TRPM3: variants seen among roughly 807,000 people sequenced by gnomAD.
TRPM3 encodes long transient receptor potential channel 3.
TRPM3 carries 77 observed loss-of-function variants against 181.2 expected under a neutral mutation model. That is an observed-to-expected ratio of 0.42 (90% CI 0.35 to 0.51). The LOEUF (loss-of-function observed/expected upper bound fraction) is 0.51, where lower values mean the gene tolerates loss of function less well. TRPM3 is among the 20% of genes least tolerant of loss of function. The pLI is 0.01. For missense variants in TRPM3, 1,759 were observed against 2,196.7 expected, an observed-to-expected ratio of 0.80 and a Z score of 3.98; for synonymous variants, 745 against 796.4, an observed-to-expected ratio of 0.94 and a Z score of 1.09.
intron 9 of TRPM3, among the ~76,000 whole-genome samples, chr9:70,659,425 G>A (rs116916317): frequency 0.015 from 2,333 of 152,170 alleles, 29 homozygotes; most frequent in Middle Eastern, 0.031. Context: ...TCCATGGCTG[G>A]GTTGGGTTTT....
At chr9:71,444,066 C>G (rs2094170996) in intron 1 of TRPM3, among the ~76,000 whole-genome samples, 1 of 151,014 alleles carries the variant, frequency 6.6e-6, no homozygotes, top group Admixed American at 6.6e-5. Flanking sequence ...ATAATCCCAG[C>G]TACTCAGGAG....
intron 1 of TRPM3, among the ~76,000 whole-genome samples, chr9:71,065,434 G>T (rs2133421180): frequency 6.6e-6 from 1 of 152,212 alleles, no homozygotes; most frequent in East Asian, 1.9e-4. Context: ...TTAGCCCTCT[G>T]AACACGGGAG....
chr9:71,255,830 A>T (rs1056190225), intron 1 of TRPM3, among the ~76,000 whole-genome samples: 1 of 152,228 alleles, frequency 6.6e-6, no homozygotes, highest in African/African-American at 2.4e-5. Context: ...ATTATTGAGT[A>T]AATTCATAAT....
rs6560142 is a variant in TRPM3 at position 70,536,068 on chromosome 9, C to T, written c.5045G>A (p.Arg1682Gln). The T allele has an allele frequency of 0.57, 913,536 of 1,613,982 alleles. 261,875 individuals are homozygous for T. The highest frequency in any genetic ancestry group is 0.8 in the East Asian group (35,932 of 44,878). ...LDRQRNTASLRNPFQRSKSSK... is the reference protein window; with the variant it reads ...LDRQRNTASLQNPFQRSKSSK... The stretch of plus-strand genomic sequence containing the variant: ...GGACTTGCTTCTCTGGAAGGGATTT[C>T]GCAGGCTTGCTGTGTTCCGCTGCCT... The change falls in exon 26 of 26, where the codon CGA (arginine) becomes CAA (glutamine). Residue 1682 changes from arginine (R) to glutamine (Q), a missense_variant. Physicochemically the swap from Arg to Gln is conservative, Grantham distance 43. Around this residue, in one of 8 missense-constraint regions of TRPM3, gnomAD observed 612 missense variants for 590.0 expected, o/e 1.04. Coordinates refer to ENST00000677713, the MANE Select transcript of TRPM3 (RefSeq NM_001366145.2).
At position 71,142,010 on chromosome 9, in the gene TRPM3, T is replaced by C. The variant is rs554278926; in HGVS notation, c.184-277499A>G. Among the ~76,000 whole-genome samples the C allele has an allele frequency of 3.3e-5, 5 of 152,318 alleles. No homozygotes were observed. In the East Asian group the frequency reaches 9.6e-4, roughly 29 times the overall value. On this transcript the variant is annotated intron_variant, in intron 1 of 24. Transcript: ENST00000357533. ...CACCGGTATATAATGCCCGAATGTT[T>C]CCATAAGTAAGTAGAAAGAGTTTTG...
chr9:70,618,997 C>T lies in TRPM3; in HGVS notation c.2228G>A (p.Ser743Asn), dbSNP rs2063205188. Residue 743 changes from serine (S) to asparagine (N), a missense_variant, in exon 17 of 26, where the codon AGC becomes AAC. This residue lies in a region of TRPM3 where 737 missense variants were observed against 957.4 expected (regional missense o/e 0.77). Coordinates refer to ENST00000677713, the MANE Select transcript of TRPM3 (RefSeq NM_001366145.2). ...GGCAAGCTGCAGGCACGTGGCGTTGCTCCAGTTCTTCAGCTCATACGTCAG... is the reference window on the plus strand; with the variant it reads ...GGCAAGCTGCAGGCACGTGGCGTTGTTCCAGTTCTTCAGCTCATACGTCAG... ...KLLTYELKNW[S>N]NATCLQLAVA... 6.2e-7 allele frequency: 1 copy of T among 1,614,110 alleles called. No individual in the cohort carries two copies. Among genetic ancestry groups the T allele is most frequent in the African/African-American group, 1.3e-5 (1 of 74,942 alleles).
intron 1 of TRPM3, among the ~76,000 whole-genome samples, chr9:71,102,013 G>T (rs553702733): frequency 6.6e-6 from 1 of 152,248 alleles, no homozygotes; most frequent in South Asian, 2.1e-4. Flanking sequence ...ATCTGTGAAG[G>T]TGGAGTTCCA....
intron 6 of TRPM3, among the ~76,000 whole-genome samples, chr9:70,812,761 C>T (rs555437781): frequency 1.1e-3 from 173 of 152,200 alleles, no homozygotes; most frequent in African/African-American, 4.1e-3. Flanking sequence ...GTATTTTCAG[C>T]TTCTTTTTCC....
intron 1 of TRPM3, among the ~76,000 whole-genome samples, chr9:70,970,682 G>C (rs1590182168): frequency 6.6e-6 from 1 of 152,284 alleles, no homozygotes; most frequent in African/African-American, 2.4e-5. Flanking sequence ...AAGTTGAAAT[G>C]AAAGCTGGTG....
chr9:71,072,487 T>A (rs2062894797), intron 1 of TRPM3, among the ~76,000 whole-genome samples: 1 of 152,098 alleles, frequency 6.6e-6, no homozygotes, highest in Non-Finnish European at 1.5e-5. Context: ...ATCCTCCCAA[T>A]AACCCAAGAG....
At position 70,531,147 on chromosome 9, in the gene TRPM3, A is replaced by G. The variant is rs1422834005; in HGVS notation, c.*4806T>C. The G allele has an allele frequency of 6.6e-6, 1 of 152,228 alleles. No homozygotes were observed. Among genetic ancestry groups the G allele is most frequent in the Non-Finnish European group, 1.5e-5 (1 of 68,042 alleles). 9.4% of individuals were successfully genotyped at this position (152,228 alleles called of 1,614,324 possible). A position where few individuals can be genotyped will look rare whatever the true frequency, so the allele number is the denominator to read the frequency against. ...AATTTGCACCCAGTAGCTCTGAAGA[A>G]TCAGAAATGTGTCTTGCATATATCA... On this transcript the variant is annotated 3_prime_UTR_variant, in exon 26 of 26. Coordinates refer to ENST00000677713, the MANE Select transcript of TRPM3 (RefSeq NM_001366145.2).
chr9:71,389,905 A>T (rs920581483), intron 1 of TRPM3, among the ~76,000 whole-genome samples: 1 of 152,050 alleles, frequency 6.6e-6, no homozygotes, highest in Non-Finnish European at 1.5e-5. Context: ...CTTAAAAATC[A>T]CCACTAAAAA....
chr9:70,644,770 TTC>T (rs2133661404), intron 9 of TRPM3, among the ~76,000 whole-genome samples: 1 of 152,234 alleles, frequency 6.6e-6, no homozygotes, highest in African/African-American at 2.4e-5. Flanking sequence ...GTCAAATTGT[TTC>T]TGTTTGCAGA....
At chr9:70,553,913 A>G (rs912345476) in intron 22 of TRPM3, among the ~76,000 whole-genome samples, 2 of 152,148 alleles carry the variant, frequency 1.3e-5, no homozygotes, top group African/African-American at 2.4e-5. Flanking sequence ...CTCCTGATGG[A>G]TGGGATTTCA....
intron 1 of TRPM3, among the ~76,000 whole-genome samples, chr9:70,996,070 C>T (rs907667227): frequency 3.9e-5 from 6 of 152,062 alleles, no homozygotes; most frequent in African/African-American, 9.7e-5. Flanking sequence ...CTTTTATAAT[C>T]ACAGAATCTA....
intron 1 of TRPM3, among the ~76,000 whole-genome samples, chr9:71,318,832 A>G (rs1468067060): frequency 6.6e-6 from 1 of 152,114 alleles, no homozygotes; most frequent in Non-Finnish European, 1.5e-5. Flanking sequence ...TAGTTTTGAC[A>G]TCTGAAACCA....
chr9:71,420,588 A>G (rs555153843), intron 1 of TRPM3, among the ~76,000 whole-genome samples: 2 of 149,670 alleles, frequency 1.3e-5, no homozygotes, highest in Non-Finnish European at 1.5e-5. Context: ...AAGAGAAAGA[A>G]AAAGAGAAAG....
intron 1 of TRPM3, among the ~76,000 whole-genome samples, chr9:71,254,930 A>C (rs937857950): frequency 6.6e-6 from 1 of 152,188 alleles, no homozygotes; most frequent in Non-Finnish European, 1.5e-5. Context: ...AAATTTTCCA[A>C]TTATCAAAAG....
chr9:71,346,228 G>C (rs939926137), intron 1 of TRPM3, among the ~76,000 whole-genome samples: 3 of 152,116 alleles, frequency 2.0e-5, no homozygotes, highest in African/African-American at 7.2e-5. Context: ...ATAAAACAAG[G>C]ATGAATCGTT....
Sources: gnomAD v4.1 joint callset for allele counts (sites outside exome capture counted in the v4.1 genomes callset) on GRCh38, gnomAD v4.1.1 for gene constraint, gnomAD v4.1.1 regional missense constraint, MANE v1.5 for transcripts, NCBI Gene and HGNC (gene_info 2026-07-23, HGNC 2026-07-21) for gene names.